The following KLHL26 variants were observed in gnomAD, a reference collection of about 807,000 sequenced individuals.
KLHL26 encodes the protein kelch-like protein 26.
KLHL26 carries 4 observed loss-of-function variants against 7.1 expected under a neutral mutation model. The observed-to-expected ratio is 0.56, with a 90% CI of 0.28 to 1.28. The LOEUF is 1.28. Ranked by LOEUF, KLHL26 falls within the 50% of genes most tolerant of loss-of-function variation. The pLI, the probability that KLHL26 is intolerant of heterozygous loss-of-function variation, is 0.11. For missense variants in KLHL26, 896 were observed against 924.6 expected (o/e 0.97, Z 0.40); for synonymous variants, 465 against 414.1 (o/e 1.12, Z -1.49).
rs781518378 is a variant in KLHL26 at position 18,667,754 on chromosome 19, C to G, written c.357C>G (p.Asp119Glu). The change falls in exon 3 of 3, where the codon GAC becomes GAG. Residue 119 changes from aspartate (D) to glutamate (E), a missense_variant. Coordinates refer to ENST00000300976, the MANE Select transcript of KLHL26 (RefSeq NM_018316.3). Reference protein sequence around the residue: ...VSARGLRHIIDFAYSAEVTLD... With the variant: ...VSARGLRHIIEFAYSAEVTLD... ...CCCGTGGCCTGCGGCACATCATCGA[C>G]TTCGCCTACAGCGCCGAGGTGACAC... 6.2e-7 allele frequency: 1 copy of G among 1,613,306 alleles called. No individual in the cohort carries two copies.
At chr19:18,638,577 T>G (rs564067263) in intron 1 of KLHL26, among the ~76,000 whole-genome samples, 126 of 152,020 alleles carry the variant, frequency 8.3e-4, no homozygotes, top group African/African-American at 2.6e-3. Context: ...ATTCAGGGAG[T>G]GGCCAGGGCT....
chr19:18,669,337 C>G lies in KLHL26; in HGVS notation c.*92C>G, dbSNP rs964122824. The G allele has an allele frequency of 8.7e-6, 9 of 1,039,222 alleles. No individual in the cohort carries two copies. The highest frequency in any genetic ancestry group is 7.9e-5 in the African/African-American group (5 of 63,340). 64.4% of individuals were successfully genotyped at this position (1,039,222 alleles called of 1,614,324 possible). Reference sequence around the variant, plus strand: ...GTCTGCCTGAGAACCCCAGTGCCCCCCTTCGCCCGGGCTGCCCTTGAGGGG... The same window carrying G: ...GTCTGCCTGAGAACCCCAGTGCCCCGCTTCGCCCGGGCTGCCCTTGAGGGG... On this transcript the variant is annotated 3_prime_UTR_variant, in exon 3 of 3. Transcript: ENST00000300976.
rs1386346441 is a variant in KLHL26 at position 18,646,924 on chromosome 19, G to A, written c.83+9787G>A. On this transcript the variant is annotated intron_variant, in intron 1 of 2. Coordinates refer to ENST00000300976, the MANE Select transcript of KLHL26 (RefSeq NM_018316.3). This position sits in a 1 kb window ranked among gnomAD's most constrained non-coding sequence, Gnocchi z 5.0. ...GAGCTGGAGAGGGCAGGTTCCGCCA[G>A]GAGTAGGCCTGGGAGCAGGAGCTCG... Among the ~76,000 whole-genome samples the A allele has an allele frequency of 1.3e-5, 2 of 152,118 alleles. No individual in the cohort carries two copies. The highest frequency in any genetic ancestry group is 2.9e-5 in the Non-Finnish European group (2 of 67,990).
intron 2 of KLHL26, 52 bp downstream of exon 2, chr19:18,664,495 G>T: frequency 8.3e-6 from 12 of 1,453,642 alleles, no homozygotes; most frequent in Non-Finnish European, 1.1e-5. Context: ...TTGGGACAGG[G>T]ACAGGGCAGA....
At chr19:18,655,802 G>A (rs750702856) in intron 1 of KLHL26, among the ~76,000 whole-genome samples, 48 of 125,242 alleles carry the variant, frequency 3.8e-4, no homozygotes, top group Middle Eastern at 9.7e-3. Flanking sequence ...TTGAGAAGTG[G>A]CTGGAGTTTG....
At position 18,668,715 on chromosome 19, in the gene KLHL26, T is replaced by TGG. The variant is rs2052487904; in HGVS notation, c.1321_1322dup (p.Tyr442AlafsTer6). The TGG allele has an allele frequency of 6.4e-7, 1 of 1,572,108 alleles. No homozygotes were observed. ...GCGGTACTGCCCCCGGCGCAATGAG[T>TGG]GGGGCTACGCCTGCTCGCTGAAGCG... On this transcript the variant is annotated frameshift_variant, in exon 3 of 3. Transcript: ENST00000300976. LOFTEE classifies it low-confidence loss of function (END_TRUNC).
At chr19:18,638,403 C>T (rs1976656065) in intron 1 of KLHL26, among the ~76,000 whole-genome samples, 1 of 152,190 alleles carries the variant, frequency 6.6e-6, no homozygotes, top group Non-Finnish European at 1.5e-5. Context: ...TGCTGAGTGG[C>T]ACCTTGAGAC....
intron 1 of KLHL26, among the ~76,000 whole-genome samples, chr19:18,645,222 C>T (rs1489764140): frequency 6.6e-6 from 1 of 152,128 alleles, no homozygotes; most frequent in Non-Finnish European, 1.5e-5. Context: ...GGTCTAGACT[C>T]CTTGGAGGGA....
At chr19:18,639,397 CATT>C (rs930718182) in intron 1 of KLHL26, among the ~76,000 whole-genome samples, 5 of 123,836 alleles carry the variant, frequency 4.0e-5, no homozygotes, top group African/African-American at 1.5e-4. Flanking sequence ...TTTAATTTAT[CATT>C]AAGTTTTTTT....
chr19:18,639,200 T>C (rs944258368), intron 1 of KLHL26, among the ~76,000 whole-genome samples: 19 of 149,746 alleles, frequency 1.3e-4, no homozygotes, highest in Non-Finnish European at 8.9e-5. Context: ...CTCAGCCTCC[T>C]GAGTAGCTGG....
rs1006160048 is a variant in KLHL26 at position 18,650,870 on chromosome 19, G to A, written c.84-13391G>A. ...GCCGCCGCCCACTCGCCCTCAGAAT[G>A]GCCCTCAGCGGGGCTTCCTGACCCC... On this transcript the variant is annotated intron_variant, in intron 1 of 2. Transcript: ENST00000300976. The surrounding 1 kb of genome is among the most constrained non-coding windows in gnomAD (Gnocchi z 4.2). Among the ~76,000 whole-genome samples, 11 of 152,152 alleles carry A rather than the reference G, an allele frequency of 7.2e-5. No homozygotes were observed. Among genetic ancestry groups the A allele is most frequent in the African/African-American group, 2.7e-4 (11 of 41,450 alleles).
At position 18,668,425 on chromosome 19, in the gene KLHL26, A is replaced by G. The variant is rs2052480709; in HGVS notation, c.1028A>G (p.Glu343Gly). Residue 343 changes from glutamate (E) to glycine (G), a missense_variant, in exon 3 of 3, where the codon GAG becomes GGG. Glu to Gly is a moderately conservative substitution (Grantham distance 98, BLOSUM62 -2). Coordinates refer to ENST00000300976, the MANE Select transcript of KLHL26 (RefSeq NM_018316.3). Reference protein sequence around the residue: ...LPEPGARHFRELTEMEVGCSH... With the variant: ...LPEPGARHFRGLTEMEVGCSH... ...GAGCCGGGAGCCCGCCACTTCCGCG[A>G]GCTCACGGAGATGGAGGTAGGCTGC... 1 of 1,611,230 alleles carries G rather than the reference A, an allele frequency of 6.2e-7. No individual in the cohort carries two copies. The highest frequency in any genetic ancestry group is 1.3e-5 in the African/African-American group (1 of 74,926).
intron 1 of KLHL26, among the ~76,000 whole-genome samples, chr19:18,662,102 C>G (rs1334143904): frequency 6.6e-6 from 1 of 152,144 alleles, no homozygotes; most frequent in African/African-American, 2.4e-5. Context: ...AAATATGCTC[C>G]TAAGGACTGA....
Position 18,650,327 on chromosome 19 carries a change from C to T in KLHL26, c.83+13190C>T, listed in dbSNP as rs925758213. ...CTGAGAGCGGGACATTTTCCCGGAG[C>T]GGGGTGGAAGGAGTGTCAAGGTGAC... On this transcript the variant is annotated intron_variant, in intron 1 of 2. Coordinates refer to ENST00000300976, the MANE Select transcript of KLHL26 (RefSeq NM_018316.3). The surrounding 1 kb of genome is among the most constrained non-coding windows in gnomAD (Gnocchi z 4.2). 3.9e-5 allele frequency among the ~76,000 whole-genome samples: 6 copies of T among 152,202 alleles called. No individual in the cohort carries two copies. The highest frequency in any genetic ancestry group is 5.9e-5 in the Non-Finnish European group (4 of 67,998).
In KLHL26 at chr19:18,646,896, C is replaced by T. The variant is rs1385755519; in HGVS notation, c.83+9759C>T. 6.8e-6 allele frequency among the ~76,000 whole-genome samples: 1 copy of T among 147,686 alleles called. No individual in the cohort carries two copies. Among genetic ancestry groups the T allele is most frequent in the Non-Finnish European group, 1.5e-5 (1 of 67,134 alleles). On this transcript the variant is annotated intron_variant, in intron 1 of 2. Transcript: ENST00000300976. This position sits in a 1 kb window ranked among gnomAD's most constrained non-coding sequence, Gnocchi z 5.0. The stretch of plus-strand genomic sequence containing the variant: ...CAGCGAGAGAGTAGAGCACGTCCAG[C>T]GTGAGCTGGAGAGGGCAGGTTCCGC...
intron 1 of KLHL26, among the ~76,000 whole-genome samples, chr19:18,642,859 T>C (rs1976739461): frequency 6.6e-6 from 1 of 151,250 alleles, no homozygotes; most frequent in African/African-American, 2.4e-5. Context: ...TTTGAGACAT[T>C]GTCTCATTCT....
chr19:18,646,778 C>T lies in KLHL26; in HGVS notation c.83+9641C>T, dbSNP rs987885021. ...TGCCAGCAAGCCTTGATGTGGCGTG[C>T]GTGTGTCAGGCAGGGAAAGGAGAGG... On this transcript the variant is annotated intron_variant, in intron 1 of 2. Transcript: ENST00000300976. This position sits in a 1 kb window ranked among gnomAD's most constrained non-coding sequence, Gnocchi z 5.0. 4.6e-5 allele frequency among the ~76,000 whole-genome samples: 7 copies of T among 152,188 alleles called. No homozygotes were observed. The highest frequency in any genetic ancestry group is 7.3e-5 in the Non-Finnish European group (5 of 68,038).
At chr19:18,643,369 C>T (rs939098971) in intron 1 of KLHL26, among the ~76,000 whole-genome samples, 4 of 150,760 alleles carry the variant, frequency 2.7e-5, no homozygotes, top group South Asian at 2.1e-4. Context: ...CACTTGAACC[C>T]GGGAGGCAGA....
intron 1 of KLHL26, among the ~76,000 whole-genome samples, chr19:18,657,814 G>C (rs928449237): frequency 2.0e-5 from 3 of 152,230 alleles, no homozygotes; most frequent in Admixed American, 6.5e-5. Flanking sequence ...TGGGCAGTCT[G>C]GGGGAGAAGC....
Sources: allele counts gnomAD v4.1 joint callset (sites outside exome capture counted in the v4.1 genomes callset), GRCh38; gene constraint gnomAD v4.1.1; non-coding constraint Gnocchi (gnomAD v3.1); transcripts MANE v1.5; gene names NCBI Gene and HGNC (gene_info 2026-07-23, HGNC 2026-07-21).